The following WASL variants were observed in gnomAD, a reference collection of about 807,000 sequenced individuals.
WASL encodes the protein WASP like actin nucleation promoting factor.
Under a neutral mutation model 55.5 loss-of-function variants are expected in WASL, and 20 were observed. The observed-to-expected ratio is 0.36, with a 90% confidence interval of 0.25 to 0.52. WASL has a LOEUF of 0.52. WASL is among the 20% of genes least tolerant of loss of function. WASL has a pLI of 0.92. For missense variants in WASL, 504 were observed against 622.5 expected, an observed-to-expected ratio of 0.81 and a Z score of 2.03; for synonymous variants, 249 against 217.6, an observed-to-expected ratio of 1.14 and a Z score of -1.27.
chr7:123,712,474 T>A (rs897632850), intron 1 of WASL, among the ~76,000 whole-genome samples: 10 of 152,150 alleles, frequency 6.6e-5, no homozygotes, highest in South Asian at 4.1e-4. Context: ...TGTCTGCAAC[T>A]TATTCTCATG....
chr7:123,693,111 T>C (rs1009231899), intron 8 of WASL, among the ~76,000 whole-genome samples: 1 of 152,176 alleles, frequency 6.6e-6, no homozygotes, highest in Non-Finnish European at 1.5e-5. Context: ...CAGAATAGTT[T>C]ATTTTTTTGG....
At chr7:123,695,333 A>T (rs1803474574) in intron 7 of WASL, among the ~76,000 whole-genome samples, 1 of 152,190 alleles carries the variant, frequency 6.6e-6, no homozygotes, top group South Asian at 2.1e-4. Flanking sequence ...AATATTTTTT[A>T]CTCCAATCAC....
At position 123,684,492 on chromosome 7, in the gene WASL, A is replaced by AATATAT. The variant is rs5887151; in HGVS notation, c.*21_*26dup. ...GTAGTGTTTAGTATTTCACCTTAAA[A>AATATAT]ATATATATATATATATAATATATAG... On this transcript the variant is annotated 3_prime_UTR_variant, in exon 11 of 11. Transcript: ENST00000223023. 1.2e-5 allele frequency: 6 copies of AATATAT among 511,022 alleles called. No individual in the cohort carries two copies. Among genetic ancestry groups the AATATAT allele is most frequent in the Admixed American group, 3.8e-5 (1 of 26,344 alleles). 31.7% of individuals were successfully genotyped at this position (511,022 alleles called of 1,614,324 possible).
At chr7:123,734,159 T>G (rs890180694) in intron 1 of WASL, among the ~76,000 whole-genome samples, 1 of 152,122 alleles carries the variant, frequency 6.6e-6, no homozygotes, top group Admixed American at 6.5e-5. Flanking sequence ...AATTAAAAAC[T>G]TCTTTCTGTG....
chr7:123,717,284 A>C (rs1347587227), intron 1 of WASL, among the ~76,000 whole-genome samples: 2 of 152,194 alleles, frequency 1.3e-5, no homozygotes, highest in Non-Finnish European at 2.9e-5. Flanking sequence ...GAAGCTAATT[A>C]GGTTTAAGTT....
At chr7:123,746,407 C>T (rs1342144850) in intron 1 of WASL, among the ~76,000 whole-genome samples, 1 of 152,132 alleles carries the variant, frequency 6.6e-6, no homozygotes, top group Non-Finnish European at 1.5e-5. Context: ...TTTGGTCTGA[C>T]CTGTAAATCT....
At chr7:123,707,256 C>T (rs976773102) in intron 2 of WASL, among the ~76,000 whole-genome samples, 10 of 152,174 alleles carry the variant, frequency 6.6e-5, no homozygotes, top group African/African-American at 2.4e-4. Flanking sequence ...TGCAGGAATA[C>T]TTTATGTTCT....
chr7:123,748,681 C>T lies in WASL; in HGVS notation c.54G>A (p.Gly18=), dbSNP rs562336097. The T allele has an allele frequency of 5.6e-6, 9 of 1,611,968 alleles. No homozygotes were observed. In the African/African-American group the frequency reaches 1.2e-4, roughly 22 times the overall value. Residue 18 remains glycine, a synonymous_variant, in exon 1 of 11, where the codon GGG becomes GGA. Transcript: ENST00000223023. ...TCTCCTGCGGGGTGAGCAACAGGGA[C>T]CCCACGTTGGTGACCCTCCGCGGCG... The part of the protein sequence containing the change: ...PPPPRRVTNV[G]SLLLTPQENE...
intron 5 of WASL, among the ~76,000 whole-genome samples, chr7:123,699,421 T>C (rs1257077356): frequency 6.6e-6 from 1 of 152,172 alleles, no homozygotes; most frequent in African/African-American, 2.4e-5. Context: ...TCTTTATTCA[T>C]ATGACTTTTC....
Position 123,706,279 on chromosome 7 carries a change from G to A in WASL, c.434C>T (p.Ser145Phe). 6.2e-7 allele frequency: 1 copy of A among 1,613,184 alleles called. No homozygotes were observed. Among genetic ancestry groups the A allele is most frequent in the East Asian group, 2.2e-5 (1 of 44,810 alleles). Residue 145 changes from serine to phenylalanine, a missense_variant and splice_region_variant, in exon 4 of 11, where the codon TCT (serine) becomes TTT (phenylalanine). This residue lies in a region of WASL where 230 missense variants were observed against 271.9 expected (regional missense o/e 0.85). Transcript: ENST00000223023. The stretch of plus-strand genomic sequence containing the variant: ...TTAAGTAATTAAAAAAGGGTTACCA[G>A]ATTTCCTTTGTCGACGGCCCAAAAG... ...TDLLGRRQRK[S>F]EKRRDPPNGP... is the part of the protein sequence containing the mutation.
At chr7:123,726,692 C>T (rs750465113) in intron 1 of WASL, among the ~76,000 whole-genome samples, 4 of 152,134 alleles carry the variant, frequency 2.6e-5, no homozygotes, top group Non-Finnish European at 5.9e-5. Context: ...TGGTGAAACT[C>T]TCATCTCTAA....
At position 123,748,664 on chromosome 7, in the gene WASL, G is replaced by A. The variant is rs768654148; in HGVS notation, c.71C>T (p.Pro24Leu). 5.6e-6 allele frequency: 9 copies of A among 1,612,996 alleles called. No homozygotes were observed. The highest frequency in any genetic ancestry group is 1.6e-4 in the Middle Eastern group (1 of 6,082). Residue 24 changes from proline (P) to leucine (L), a missense_variant, in exon 1 of 11, where the codon CCG becomes CTG. By Grantham distance (98) the Pro-to-Leu change is moderately conservative. Transcript: ENST00000223023. ...VTNVGSLLLT[P>L]QENESLFTFL... ...AGTGAAGAGGGACTCGTTCTCCTGCGGGGTGAGCAACAGGGACCCCACGTT... is the reference window on the plus strand; with the variant it reads ...AGTGAAGAGGGACTCGTTCTCCTGCAGGGTGAGCAACAGGGACCCCACGTT...
intron 1 of WASL, among the ~76,000 whole-genome samples, chr7:123,747,529 G>T (rs994881579): frequency 1.3e-5 from 2 of 152,156 alleles, no homozygotes; most frequent in Non-Finnish European, 1.5e-5. Context: ...TCTTAAAGAA[G>T]CAGGTGAAAT....
chr7:123,706,756 T>C lies in WASL; in HGVS notation c.323A>G (p.His108Arg), dbSNP rs1803678630. The change falls in exon 3 of 11, where the codon CAT becomes CGT. Residue 108 changes from histidine to arginine, a missense_variant. Transcript: ENST00000223023. ...FVYNSPRGYF[H>R]TFAGDTCQVA... Reference sequence around the variant, plus strand: ...ATGACTTACATCTCCAGCAAAGGTATGAAAATATCCTCTAGGACTATTATA... The same window carrying C: ...ATGACTTACATCTCCAGCAAAGGTACGAAAATATCCTCTAGGACTATTATA... The C allele has an allele frequency of 1.9e-6, 3 of 1,574,474 alleles. No homozygotes were observed. Among genetic ancestry groups the C allele is most frequent in the Non-Finnish European group, 2.6e-6 (3 of 1,166,204 alleles).
At chr7:123,687,169 C>A (rs1803306178) in intron 10 of WASL, among the ~76,000 whole-genome samples, 1 of 152,110 alleles carries the variant, frequency 6.6e-6, no homozygotes, top group African/African-American at 2.4e-5. Context: ...TCATCAAAAC[C>A]AGTGATCTCC....
At chr7:123,729,962 G>A (rs1268016005) in intron 1 of WASL, among the ~76,000 whole-genome samples, 1 of 152,060 alleles carries the variant, frequency 6.6e-6, no homozygotes, top group Non-Finnish European at 1.5e-5. Context: ...CCTATTGGAG[G>A]AATTTTCTCT....
chr7:123,722,815 CAAA>C (rs1426484478), intron 1 of WASL, among the ~76,000 whole-genome samples: 3 of 151,990 alleles, frequency 2.0e-5, no homozygotes, highest in Non-Finnish European at 4.4e-5. Flanking sequence ...AAAATAACAA[CAAA>C]AATAATAATA....
chr7:123,727,952 T>C (rs1804079399), intron 1 of WASL, among the ~76,000 whole-genome samples: 1 of 152,210 alleles, frequency 6.6e-6, no homozygotes. Flanking sequence ...AGAAAGCTCT[T>C]ATAAACAATA....
intron 10 of WASL, 126 bp from the exon 11 acceptor site, chr7:123,684,706 T>C: frequency 1.2e-6 from 1 of 864,164 alleles, no homozygotes; most frequent in Non-Finnish European, 1.6e-6. Flanking sequence ...AGAATCTAGT[T>C]ACTAAAACAG....
Sources: allele counts gnomAD v4.1 joint callset (sites outside exome capture counted in the v4.1 genomes callset), GRCh38; gene constraint gnomAD v4.1.1; regional missense constraint gnomAD v4.1.1; transcripts MANE v1.5; gene names NCBI Gene and HGNC (gene_info 2026-07-23, HGNC 2026-07-21).